Variants in CAPS2 observed in about 807,000 individuals in gnomAD.
The protein encoded by CAPS2 is calcyphosine 2.
In CAPS2, 98 loss-of-function variants were observed where a neutral mutation model predicts 86.5. That is an observed-to-expected ratio of 1.13 (90% CI 0.96 to 1.34). The LOEUF (loss-of-function observed/expected upper bound fraction) is 1.34, where lower values mean the gene tolerates loss of function less well. CAPS2 is among the 40% of genes most tolerant of loss of function. The pLI, the probability that CAPS2 is intolerant of heterozygous loss-of-function variation, is 0.00. For synonymous variants in CAPS2, 210 were observed against 225.1 expected (o/e 0.93, Z 0.60); for missense variants, 729 against 686.8 (o/e 1.06, Z -0.69).
intron 1 of CAPS2, among the ~76,000 whole-genome samples, chr12:75,388,287 A>G (rs2045395100): frequency 6.6e-6 from 1 of 152,186 alleles, no homozygotes; most frequent in Non-Finnish European, 1.5e-5. Context: ...TGGAACTGTG[A>G]GTTCATCAAA....
At chr12:75,308,463 C>T (rs2038768308) in intron 7 of CAPS2, among the ~76,000 whole-genome samples, 1 of 152,132 alleles carries the variant, frequency 6.6e-6, no homozygotes, top group African/African-American at 2.4e-5. Flanking sequence ...GTGGAGTATA[C>T]TTTCATTTTT....
chr12:75,332,570 C>A (rs1304224499), upstream of CAPS2, among the ~76,000 whole-genome samples: 2 of 152,002 alleles, frequency 1.3e-5, no homozygotes, highest in African/African-American at 4.8e-5. Flanking sequence ...ATTTATTGAG[C>A]CCCTCATATG....
intron 1 of CAPS2, among the ~76,000 whole-genome samples, chr12:75,383,502 T>C (rs1010835320): frequency 1.3e-5 from 2 of 152,194 alleles, no homozygotes; most frequent in Non-Finnish European, 2.9e-5. Context: ...CCTTAATGTA[T>C]ATGCACCTAA....
At chr12:75,349,978 T>C (rs1024340394) in intron 1 of CAPS2, among the ~76,000 whole-genome samples, 4 of 152,240 alleles carry the variant, frequency 2.6e-5, no homozygotes, top group African/African-American at 4.8e-5. Flanking sequence ...GGAGACTGCC[T>C]AAGAAGACCG....
chr12:75,335,591 C>T (rs183742565), intron 1 of CAPS2, among the ~76,000 whole-genome samples: 35 of 152,254 alleles, frequency 2.3e-4, no homozygotes, highest in Admixed American at 4.6e-4. Flanking sequence ...TAACTCATAT[C>T]TATTCCAGCT....
chr12:75,370,419 C>G (rs2044285988), intron 1 of CAPS2: 1 of 300,122 alleles, frequency 3.3e-6, no homozygotes. Context: ...GTGTTCCACT[C>G]TTTAATTTTC....
intron 7 of CAPS2, among the ~76,000 whole-genome samples, chr12:75,312,086 G>A (rs185219485): frequency 6.7e-4 from 102 of 152,218 alleles, no homozygotes; most frequent in African/African-American, 2.4e-3. Context: ...AACCTCTTCA[G>A]AAATTCTAGC....
Position 75,282,500 on chromosome 12 carries a change from C to T in CAPS2, c.1516-153G>A, listed in dbSNP as rs1415931870. ...CTCCCAGGTTCAAGTGTTTCTCCTG[C>T]CTCAGCCTACCGAGTAGCTGGGACT... On this transcript the variant is annotated intron_variant, in intron 15 of 16. Coordinates refer to ENST00000393284, the Ensembl canonical transcript of CAPS2. Among the ~76,000 whole-genome samples, 5 of 152,134 alleles carry T rather than the reference C, an allele frequency of 3.3e-5. No individual in the cohort carries two copies. The South Asian group carries it at 8.3e-4, about 25-fold the overall frequency.
At chr12:75,333,259 C>T (rs79647894), upstream of CAPS2, among the ~76,000 whole-genome samples, 15 of 151,750 alleles carry the variant, frequency 9.9e-5, no homozygotes, top group African/African-American at 2.7e-4. Flanking sequence ...GACACACACA[C>T]ATATATGTGT....
intron 8 of CAPS2, among the ~76,000 whole-genome samples, chr12:75,303,449 T>A (rs2038062897): frequency 6.6e-6 from 1 of 152,118 alleles, no homozygotes; most frequent in Non-Finnish European, 1.5e-5. Context: ...GCAGGGGAAA[T>A]GAATAGTAAC....
At chr12:75,378,906 GT>G (rs1422449861) in intron 1 of CAPS2, among the ~76,000 whole-genome samples, 1 of 152,070 alleles carries the variant, frequency 6.6e-6, no homozygotes, top group African/African-American at 2.4e-5. Flanking sequence ...TTCACTATTT[GT>G]TTAACTATTG....
At chr12:75,343,663 A>T in intron 1 of CAPS2, 1 of 1,523,878 alleles carries the variant, frequency 6.6e-7, no homozygotes, top group Non-Finnish European at 8.9e-7. Flanking sequence ...ACTTATGCAC[A>T]ATTCAATTTA....
At chr12:75,298,158 A>G (rs2037216080) in intron 11 of CAPS2, 1 of 154,824 alleles carries the variant, frequency 6.5e-6, no homozygotes, top group Non-Finnish European at 1.4e-5. Context: ...ATTTAAGAGC[A>G]CTACACAAAC....
At position 75,325,234 on chromosome 12, in the gene CAPS2, C is replaced by T. The variant is rs534283476; in HGVS notation, c.131+5G>A. ...ACAGTCCAAATGTGAAGAAACGTAA[C>T]TTACACTGGTGGGCAAGAATTCTGG... On this transcript the variant is annotated splice_donor_5th_base_variant and intron_variant, in intron 2 of 16. Transcript: ENST00000393284. The T allele has an allele frequency of 2.0e-4, 310 of 1,548,834 alleles. No homozygotes were observed. The highest frequency in any genetic ancestry group is 2.5e-4 in the Non-Finnish European group (287 of 1,145,970).
intron 1 of CAPS2, among the ~76,000 whole-genome samples, chr12:75,351,075 G>C: frequency 6.6e-6 from 1 of 152,142 alleles, no homozygotes; most frequent in East Asian, 1.9e-4. Context: ...TATCCAAACA[G>C]ACCAAGTGGA....
upstream of CAPS2, among the ~76,000 whole-genome samples, chr12:75,332,896 G>C (rs1366403427): frequency 4.6e-5 from 7 of 152,164 alleles, no homozygotes; most frequent in African/African-American, 1.7e-4. Context: ...ACAGACAGGG[G>C]ATATAGAATG....
At chr12:75,285,328 A>T (rs2034681677) in intron 14 of CAPS2, among the ~76,000 whole-genome samples, 1 of 152,030 alleles carries the variant, frequency 6.6e-6, no homozygotes, top group African/African-American at 2.4e-5. Context: ...TACTTTTTTA[A>T]GTTTTATTTT....
intron 7 of CAPS2, among the ~76,000 whole-genome samples, chr12:75,306,782 C>T (rs546558890): frequency 1.3e-5 from 2 of 152,246 alleles, no homozygotes; most frequent in African/African-American, 4.8e-5. Context: ...TCTTCATGAC[C>T]TTGCTGGGCA....
At chr12:75,380,334 C>A (rs1431446521) in intron 1 of CAPS2, among the ~76,000 whole-genome samples, 1 of 152,070 alleles carries the variant, frequency 6.6e-6, no homozygotes, top group African/African-American at 2.4e-5. Flanking sequence ...ACTAACTGTA[C>A]CAGGGGAAAT....
Sources: allele counts gnomAD v4.1 joint callset (sites outside exome capture counted in the v4.1 genomes callset), GRCh38; gene constraint gnomAD v4.1.1; transcripts MANE v1.5; gene names NCBI Gene and HGNC (gene_info 2026-07-23, HGNC 2026-07-21).